ZBTB20: variants seen among roughly 807,000 people sequenced by gnomAD.
ZBTB20 encodes the protein zinc finger and BTB domain containing 20, also known as zinc finger and BTB domain-containing protein 20.
ZBTB20 carries 9 observed loss-of-function variants against 56.9 expected under a neutral mutation model. That is an observed-to-expected ratio of 0.16 (90% CI 0.10 to 0.28). ZBTB20 has a LOEUF of 0.28. ZBTB20 is among the 10% of genes least tolerant of loss of function. The pLI, the probability that ZBTB20 is intolerant of heterozygous loss-of-function variation, is 1.00. For missense variants in ZBTB20, 655 were observed against 1,003.0 expected (o/e 0.65, Z 4.69); for synonymous variants, 417 against 420.7 (o/e 0.99, Z 0.11).
chr3:114,696,827 G>GA (rs1160875783), intron 5 of ZBTB20, among the ~76,000 whole-genome samples: 2 of 152,056 alleles, frequency 1.3e-5, no homozygotes, highest in African/African-American at 4.8e-5. Context: ...GAGAGAGAAA[G>GA]AGAGAGATTT....
intron 1 of ZBTB20, among the ~76,000 whole-genome samples, chr3:115,137,705 A>G (rs1450837308): frequency 6.6e-6 from 1 of 152,108 alleles, no homozygotes; most frequent in Non-Finnish European, 1.5e-5. Context: ...ATTAAGGTAT[A>G]TAATATTTTA....
chr3:114,675,081 T>TTA (rs1017388234), intron 6 of ZBTB20, among the ~76,000 whole-genome samples: 4 of 148,094 alleles, frequency 2.7e-5, no homozygotes, highest in African/African-American at 4.9e-5. Context: ...ATTATATATA[T>TTA]TATATATATA....
At chr3:115,075,196 C>T (rs777372857) in intron 1 of ZBTB20, among the ~76,000 whole-genome samples, 3 of 152,076 alleles carry the variant, frequency 2.0e-5, no homozygotes, top group Non-Finnish European at 4.4e-5. Context: ...TTGTTGACTA[C>T]AGGTACAATG....
intron 2 of ZBTB20, among the ~76,000 whole-genome samples, chr3:115,035,149 T>C (rs766755854): frequency 7.9e-5 from 12 of 152,130 alleles, no homozygotes; most frequent in Non-Finnish European, 1.5e-4. Flanking sequence ...AGCTTCATCA[T>C]ACTGGATTTG....
At chr3:114,498,702 G>GT (rs2043578979) in intron 7 of ZBTB20, among the ~76,000 whole-genome samples, 1 of 152,170 alleles carries the variant, frequency 6.6e-6, no homozygotes, top group African/African-American at 2.4e-5. Flanking sequence ...CTTATGTGTG[G>GT]TTAAAAAATA....
chr3:114,916,715 C>A (rs1489807379), intron 3 of ZBTB20, among the ~76,000 whole-genome samples: 1 of 152,066 alleles, frequency 6.6e-6, no homozygotes, highest in Non-Finnish European at 1.5e-5. Flanking sequence ...ATATGTCATG[C>A]TACTTTTTCC....
intron 5 of ZBTB20, among the ~76,000 whole-genome samples, chr3:114,770,030 G>A (rs1163202433): frequency 6.6e-6 from 1 of 151,858 alleles, no homozygotes; most frequent in Non-Finnish European, 1.5e-5. Context: ...CTGCACTCCA[G>A]CCTGGGCAAC....
chr3:114,509,366 C>T (rs2045043947), intron 6 of ZBTB20, among the ~76,000 whole-genome samples: 1 of 151,048 alleles, frequency 6.6e-6, no homozygotes, highest in East Asian at 1.9e-4. Flanking sequence ...GATACAAGAT[C>T]TACATTCAGT....
rs2078701714 is a variant in ZBTB20 at position 114,316,808 on chromosome 3, G to C, written c.*22197C>G. 3.5e-6 allele frequency: 1 copy of C among 284,658 alleles called. No individual in the cohort carries two copies. The highest frequency in any genetic ancestry group is 7.0e-6 in the Non-Finnish European group (1 of 143,228). The allele number at this position is 284,658 out of a possible 1,614,324, so 17.6% of individuals were successfully genotyped here. A position where few individuals can be genotyped will look rare whatever the true frequency, so the allele number is the denominator to read the frequency against. On this transcript the variant is annotated 3_prime_UTR_variant, in exon 12 of 12. Coordinates refer to ENST00000675478, the MANE Select transcript of ZBTB20 (RefSeq NM_001348800.3). ...TTTGGTCATGCTGGGGGCTGACGTG[G>C]CAGTGCCAGGCTCGTGCCTGAGTGA...
At chr3:114,815,564 T>C (rs909367197) in intron 4 of ZBTB20, among the ~76,000 whole-genome samples, 3 of 152,350 alleles carry the variant, frequency 2.0e-5, no homozygotes, top group African/African-American at 7.2e-5. Context: ...AGTATTTCTA[T>C]AGCAATTGTT....
intron 7 of ZBTB20, among the ~76,000 whole-genome samples, chr3:114,451,615 C>G (rs1252758645): frequency 1.3e-5 from 2 of 152,048 alleles, no homozygotes; most frequent in Admixed American, 1.3e-4. Context: ...ATGACACACA[C>G]AGATACGCAA....
chr3:115,125,904 C>T (rs1381878207), intron 1 of ZBTB20, among the ~76,000 whole-genome samples: 3 of 151,878 alleles, frequency 2.0e-5, no homozygotes, highest in African/African-American at 2.4e-5. Flanking sequence ...TACACACATA[C>T]ATACAAAAAG....
In ZBTB20 at chr3:115,045,107, G is replaced by A. The variant is rs534913296; in HGVS notation, c.-507+26112C>T. Among the ~76,000 whole-genome samples, 2 of 152,270 alleles carry A rather than the reference G, an allele frequency of 1.3e-5. 1 individual carries two copies. Among genetic ancestry groups the A allele is most frequent in the South Asian group, 4.1e-4 (2 of 4,830 alleles). ...TCCTGTGATAGATGTTAGCCTTAAT[G>A]AAGTATCTTCATGCCATACACAGGA... On this transcript the variant is annotated intron_variant, in intron 2 of 11. Coordinates refer to ENST00000675478, the MANE Select transcript of ZBTB20 (RefSeq NM_001348800.3).
chr3:114,661,838 A>G (rs1382576174), intron 6 of ZBTB20, among the ~76,000 whole-genome samples: 1 of 152,092 alleles, frequency 6.6e-6, no homozygotes, highest in Non-Finnish European at 1.5e-5. Context: ...CACGAGTTTC[A>G]TGGATTCAGC....
intron 6 of ZBTB20, among the ~76,000 whole-genome samples, chr3:114,529,924 AT>A (rs1187828477): frequency 5.9e-5 from 9 of 152,086 alleles, no homozygotes; most frequent in Middle Eastern, 6.8e-3. Context: ...AGGAAGTCCT[AT>A]TTTTTTTCAC....
intron 4 of ZBTB20, among the ~76,000 whole-genome samples, chr3:114,810,370 C>A (rs1222789927): frequency 6.6e-6 from 1 of 152,122 alleles, no homozygotes; most frequent in East Asian, 1.9e-4. Flanking sequence ...TGTTTATTCT[C>A]CCTGCTTGTT....
chr3:114,336,823 T>G lies in ZBTB20; in HGVS notation c.*2182A>C, dbSNP rs976592292. ...CTAAAATACGCTCTCCTTTCTTCTTTTTAAAACTGTAGTTTGGTGTTTTGC... is the reference window on the plus strand; with the variant it reads ...CTAAAATACGCTCTCCTTTCTTCTTGTTAAAACTGTAGTTTGGTGTTTTGC... On this transcript the variant is annotated 3_prime_UTR_variant, in exon 12 of 12. Coordinates refer to ENST00000675478, the MANE Select transcript of ZBTB20 (RefSeq NM_001348800.3). The G allele has an allele frequency of 6.6e-6, 1 of 152,254 alleles. No individual in the cohort carries two copies. The highest frequency in any genetic ancestry group is 1.9e-4 in the East Asian group (1 of 5,208). The allele number at this position is 152,254 out of a possible 1,614,324, so 9.4% of individuals were successfully genotyped here. A position where few individuals can be genotyped will look rare whatever the true frequency, so the allele number is the denominator to read the frequency against.
At chr3:114,619,395 G>C (rs2058160714) in intron 6 of ZBTB20, among the ~76,000 whole-genome samples, 1 of 152,100 alleles carries the variant, frequency 6.6e-6, no homozygotes, top group Non-Finnish European at 1.5e-5. Flanking sequence ...GAAAAAAATT[G>C]GTTTAGGGGA....
intron 2 of ZBTB20, among the ~76,000 whole-genome samples, chr3:114,991,964 T>C (rs2078831748): frequency 6.6e-6 from 1 of 152,008 alleles, no homozygotes; most frequent in Admixed American, 6.6e-5. Context: ...TCCGTAGATC[T>C]TCCTCCATCC....
Sources: gnomAD v4.1 joint callset for allele counts (sites outside exome capture counted in the v4.1 genomes callset) on GRCh38, gnomAD v4.1.1 for gene constraint, MANE v1.5 for transcripts, NCBI Gene and HGNC (gene_info 2026-07-23, HGNC 2026-07-21) for gene names.